The following ANKRD44 variants were observed in gnomAD, a reference collection of about 807,000 sequenced individuals.
ANKRD44 encodes ankyrin repeat domain 44, also known as serine/threonine-protein phosphatase 6 regulatory ankyrin repeat subunit B.
Under a neutral mutation model 116.0 loss-of-function variants are expected in ANKRD44, and 35 were observed. The observed-to-expected ratio is 0.30, with a 90% CI of 0.23 to 0.40. The LOEUF (loss-of-function observed/expected upper bound fraction) is 0.40, where lower values mean the gene tolerates loss of function less well. Ranked by LOEUF, ANKRD44 falls within the 10% of genes least tolerant of loss-of-function variation. The pLI is 1.00. For missense variants in ANKRD44, 1,014 were observed against 1,242.6 expected (o/e 0.82, Z 2.77); for synonymous variants, 435 against 461.8 (o/e 0.94, Z 0.74).
chr2:196,968,392 CT>C (rs903763527), intron 21 of ANKRD44, among the ~76,000 whole-genome samples: 3 of 152,132 alleles, frequency 2.0e-5, no homozygotes, highest in African/African-American at 7.2e-5. Flanking sequence ...TCATCATCAT[CT>C]TTATTTATTT....
At chr2:197,219,105 C>G in intron 1 of ANKRD44, among the ~76,000 whole-genome samples, 1 of 141,938 alleles carries the variant, frequency 7.0e-6, no homozygotes, top group Non-Finnish European at 1.5e-5. Flanking sequence ...GAGTCTTGCT[C>G]TGTCGCCAGG....
At chr2:196,983,302 C>A (rs2075814673), downstream of ANKRD44, among the ~76,000 whole-genome samples, 1 of 152,184 alleles carries the variant, frequency 6.6e-6, no homozygotes, top group Non-Finnish European at 1.5e-5. Flanking sequence ...ATAGAAACTC[C>A]TCCCAGCTCA....
At chr2:197,046,287 T>C (rs1283435060) in intron 16 of ANKRD44, among the ~76,000 whole-genome samples, 10 of 152,222 alleles carry the variant, frequency 6.6e-5, no homozygotes, top group Non-Finnish European at 1.3e-4. Flanking sequence ...TTCCTGATGC[T>C]AAATTCCAAG....
chr2:197,246,073 C>T (rs2082183827), intron 1 of ANKRD44, among the ~76,000 whole-genome samples: 4 of 152,298 alleles, frequency 2.6e-5, no homozygotes, highest in Admixed American at 2.6e-4. Flanking sequence ...TGATGAAGAC[C>T]AGGCTTTGAA....
intron 1 of ANKRD44, among the ~76,000 whole-genome samples, chr2:197,269,310 C>G (rs1420187037): frequency 6.6e-6 from 1 of 152,176 alleles, no homozygotes; most frequent in East Asian, 1.9e-4. Context: ...TAAGGCTCCT[C>G]TCTCCTAATG....
At chr2:197,235,003 G>C (rs574500459) in intron 1 of ANKRD44, among the ~76,000 whole-genome samples, 1 of 152,260 alleles carries the variant, frequency 6.6e-6, no homozygotes, top group South Asian at 2.1e-4. Context: ...TTAACAGCAG[G>C]TGTTCAATCA....
At chr2:196,991,614 T>A (rs2075918313) in intron 27 of ANKRD44, among the ~76,000 whole-genome samples, 1 of 152,172 alleles carries the variant, frequency 6.6e-6, no homozygotes, top group South Asian at 2.1e-4. Context: ...AGTTTCACTC[T>A]GTCACCCAGG....
At chr2:197,081,934 T>G (rs916556834) in intron 14 of ANKRD44, among the ~76,000 whole-genome samples, 1 of 152,178 alleles carries the variant, frequency 6.6e-6, no homozygotes, top group Non-Finnish European at 1.5e-5. Flanking sequence ...TGGAATATGA[T>G]TTCTTAAAAC....
chr2:197,167,367 A>G (rs2125524594), intron 2 of ANKRD44, among the ~76,000 whole-genome samples: 1 of 152,326 alleles, frequency 6.6e-6, no homozygotes, highest in South Asian at 2.1e-4. Context: ...TGAAGTAGAT[A>G]TTTCATTGCC....
At chr2:197,040,376 C>CT (rs56405646) in intron 16 of ANKRD44, among the ~76,000 whole-genome samples, 78,331 of 122,680 alleles carry the variant, frequency 0.64, 26,256 homozygotes, top group East Asian at 0.78. Context: ...GGAGGTAAGC[C>CT]TTTTTTTTTT....
chr2:196,991,603 G>T (rs1246127558), intron 27 of ANKRD44, among the ~76,000 whole-genome samples: 1 of 151,950 alleles, frequency 6.6e-6, no homozygotes, highest in Non-Finnish European at 1.5e-5. Context: ...TTTTTTGACA[G>T]AGTTTCACTC....
At chr2:197,233,235 A>G (rs1350911258) in intron 1 of ANKRD44, among the ~76,000 whole-genome samples, 1 of 152,178 alleles carries the variant, frequency 6.6e-6, no homozygotes, top group Non-Finnish European at 1.5e-5. Context: ...AGCAGCAATT[A>G]TGCTGCCTGT....
chr2:197,055,240 T>C lies in ANKRD44; in HGVS notation c.1650+23463A>G, dbSNP rs1045718326. Among the ~76,000 whole-genome samples, 3 of 152,378 alleles carry C rather than the reference T, an allele frequency of 2.0e-5. No individual in the cohort carries two copies. In the South Asian group the frequency reaches 6.2e-4, roughly 32 times the overall value. ...TGTTTATAAATACTTGGACATCCTC[T>C]TGTGAAGTGCCTGTTCAAGTTTTTT... On this transcript the variant is annotated intron_variant, in intron 16 of 27. Transcript: ENST00000282272.
chr2:197,209,066 G>A (rs1363653297), intron 1 of ANKRD44, among the ~76,000 whole-genome samples: 1 of 152,196 alleles, frequency 6.6e-6, no homozygotes, highest in East Asian at 1.9e-4. Context: ...TGCCGCTCAA[G>A]TGATTCATGA....
downstream of ANKRD44, among the ~76,000 whole-genome samples, chr2:196,985,102 A>G (rs1056750505): frequency 9.8e-5 from 15 of 152,352 alleles, no homozygotes; most frequent in African/African-American, 3.6e-4. Flanking sequence ...CCCTATGGGA[A>G]GGCCCATCTG....
At chr2:197,204,106 TA>T (rs1192127486) in intron 1 of ANKRD44, among the ~76,000 whole-genome samples, 2 of 151,892 alleles carry the variant, frequency 1.3e-5, no homozygotes, top group Non-Finnish European at 2.9e-5. Context: ...TTTGCCACAA[TA>T]AAAAAAATTA....
intron 1 of ANKRD44, among the ~76,000 whole-genome samples, chr2:197,254,818 G>A (rs1050732594): frequency 2.6e-5 from 4 of 152,014 alleles, no homozygotes; most frequent in Non-Finnish European, 5.9e-5. Flanking sequence ...AAAACTAAAG[G>A]GGAAATTGAT....
At chr2:197,047,313 T>A (rs2077020919) in intron 16 of ANKRD44, among the ~76,000 whole-genome samples, 1 of 152,034 alleles carries the variant, frequency 6.6e-6, no homozygotes, top group Non-Finnish European at 1.5e-5. Context: ...AGCCACTGCA[T>A]CCAGCCCAGA....
chr2:197,262,952 A>C (rs1016128019), intron 1 of ANKRD44, among the ~76,000 whole-genome samples: 1 of 152,154 alleles, frequency 6.6e-6, no homozygotes, highest in African/African-American at 2.4e-5. Context: ...TTCAAAATTT[A>C]CTTTCCTAAC....
Sources: allele counts gnomAD v4.1 joint callset (sites outside exome capture counted in the v4.1 genomes callset), GRCh38; gene constraint gnomAD v4.1.1; transcripts MANE v1.5; gene names NCBI Gene and HGNC (gene_info 2026-07-23, HGNC 2026-07-21).